The following BTBD7 variants were observed in gnomAD, a reference collection of about 807,000 sequenced individuals.
The protein encoded by BTBD7 is BTB domain containing 7, also known as BTB/POZ domain-containing protein 7.
BTBD7 carries 38 observed loss-of-function variants against 99.9 expected under a neutral mutation model. The observed-to-expected ratio is 0.38, with a 90% CI of 0.29 to 0.50. The LOEUF (loss-of-function observed/expected upper bound fraction) is 0.50, where lower values mean the gene tolerates loss of function less well. BTBD7 is among the 20% of genes least tolerant of loss of function. The probability of loss-of-function intolerance (pLI) is 0.93; values close to 1 mark genes in which losing one functional copy is unlikely to be tolerated. For missense variants in BTBD7, 1,170 were observed against 1,394.6 expected (o/e 0.84, Z 2.57); for synonymous variants, 520 against 511.4 (o/e 1.02, Z -0.23).
rs1428734700 is a variant in BTBD7 at position 93,316,420 on chromosome 14, A to AT, written c.-107+16399dup. On this transcript the variant is annotated intron_variant, in intron 1 of 10. Coordinates refer to ENST00000334746, the MANE Select transcript of BTBD7 (RefSeq NM_001002860.4). ...ATGCACCACTGTGCCCAGCTAATTT[A>AT]TTTTTATTTTTTCTGTTGAGGTCTT... Among the ~76,000 whole-genome samples the AT allele has an allele frequency of 5.9e-5, 9 of 151,832 alleles. No individual in the cohort carries two copies. The East Asian group carries it at 1.7e-3, about 29-fold the overall frequency.
chr14:93,326,354 G>A (rs2053331033), intron 1 of BTBD7, among the ~76,000 whole-genome samples: 1 of 152,066 alleles, frequency 6.6e-6, no homozygotes, highest in Non-Finnish European at 1.5e-5. Context: ...ATAGTCCCAG[G>A]TGCTCAGGAG....
intron 1 of BTBD7, among the ~76,000 whole-genome samples, chr14:93,302,006 GCAAAGCA>G (rs1446008245): frequency 1.3e-5 from 2 of 152,202 alleles, no homozygotes; most frequent in African/African-American, 4.8e-5. Context: ...GCTGGGCTGG[GCAAAGCA>G]TGTGAGGGGT....
chr14:93,259,921 A>G (rs760888911), intron 5 of BTBD7, among the ~76,000 whole-genome samples: 21 of 152,216 alleles, frequency 1.4e-4, no homozygotes, highest in Non-Finnish European at 2.8e-4. Flanking sequence ...GAAACACAGC[A>G]AGACTCCATC....
Position 93,242,184 on chromosome 14 carries a change from G to A in BTBD7, c.*89C>T. 1 of 1,155,100 alleles carries A rather than the reference G, an allele frequency of 8.7e-7. No homozygotes were observed. The highest frequency in any genetic ancestry group is 1.2e-6 in the Non-Finnish European group (1 of 804,062). The allele number at this position is 1,155,100 out of a possible 1,614,324, so 71.6% of individuals were successfully genotyped here. A position where few individuals can be genotyped will look rare whatever the true frequency, so the allele number is the denominator to read the frequency against. ...ATCATGTGAAACCGAGTTATCAGCTGGCATTGATGAACTGGTCTGTAAGTT... is the reference window on the plus strand; with the variant it reads ...ATCATGTGAAACCGAGTTATCAGCTAGCATTGATGAACTGGTCTGTAAGTT... On this transcript the variant is annotated 3_prime_UTR_variant, in exon 11 of 11. Transcript: ENST00000334746.
intron 3 of BTBD7, among the ~76,000 whole-genome samples, chr14:93,282,634 G>C (rs972134854): frequency 2.0e-5 from 3 of 152,024 alleles, no homozygotes; most frequent in African/African-American, 7.2e-5. Flanking sequence ...CCCGGCCTAT[G>C]CTTGGTTTTA....
At chr14:93,244,103 C>A in intron 10 of BTBD7, 1 of 486,074 alleles carries the variant, frequency 2.1e-6, no homozygotes, top group South Asian at 1.5e-5. Flanking sequence ...GGCAAGGATT[C>A]TCTGTATGCC....
At chr14:93,268,506 A>G (rs1393010423) in intron 3 of BTBD7, among the ~76,000 whole-genome samples, 1 of 152,196 alleles carries the variant, frequency 6.6e-6, no homozygotes, top group African/African-American at 2.4e-5. Flanking sequence ...CTTATTATGT[A>G]TATGTATCAG....
At chr14:93,289,851 C>CTTTTT (rs34820136) in intron 3 of BTBD7, among the ~76,000 whole-genome samples, 12 of 98,440 alleles carry the variant, frequency 1.2e-4, no homozygotes, top group East Asian at 3.1e-4. Flanking sequence ...ACTCTCTGGG[C>CTTTTT]TTTTTTTTTT....
At chr14:93,290,245 C>G (rs2052832591) in intron 3 of BTBD7, among the ~76,000 whole-genome samples, 1 of 151,376 alleles carries the variant, frequency 6.6e-6, no homozygotes, top group South Asian at 2.1e-4. Flanking sequence ...CGCAGTCTCA[C>G]TCCGTCGCCC....
intron 1 of BTBD7, among the ~76,000 whole-genome samples, chr14:93,316,252 G>GTTTT (rs527358315): frequency 1.8e-5 from 2 of 108,322 alleles, no homozygotes; most frequent in Non-Finnish European, 3.6e-5. Flanking sequence ...ACCATGCCCA[G>GTTTT]TCTTTTTTTT....
chr14:93,269,947 T>C (rs763258258), intron 3 of BTBD7, among the ~76,000 whole-genome samples: 3 of 152,168 alleles, frequency 2.0e-5, no homozygotes, highest in Non-Finnish European at 4.4e-5. Flanking sequence ...CCCCAGCTGC[T>C]GCAAACTGAA....
chr14:93,311,530 T>C (rs1484446130), intron 1 of BTBD7, among the ~76,000 whole-genome samples: 1 of 152,202 alleles, frequency 6.6e-6, no homozygotes, highest in African/African-American at 2.4e-5. Flanking sequence ...TAAATGTACA[T>C]TATCATTAGT....
At chr14:93,296,213 A>C (rs998515715) in intron 1 of BTBD7, 56 bp from the exon 2 acceptor site, 13 of 1,228,426 alleles carry the variant, frequency 1.1e-5, no homozygotes, top group African/African-American at 6.2e-5. Context: ...CTCAGATCAC[A>C]GTTTTTTTTA....
At chr14:93,326,628 CCT>C (rs1240069243) in intron 1 of BTBD7, among the ~76,000 whole-genome samples, 1 of 152,026 alleles carries the variant, frequency 6.6e-6, no homozygotes, top group Non-Finnish European at 1.5e-5. Flanking sequence ...GGGGCGAAAC[CCT>C]GTCTCTACTA....
Position 93,261,637 on chromosome 14 carries a change from C to A in BTBD7, c.1412G>T (p.Gly471Val), listed in dbSNP as rs2052490311. 6.2e-7 allele frequency: 1 copy of A among 1,612,134 alleles called. No homozygotes were observed. Among genetic ancestry groups the A allele is most frequent in the African/African-American group, 1.3e-5 (1 of 75,004 alleles). ...TATTCTTTTCATCAACTGATGCTCT[C>A]CCCATTTAATCAGATATTTAAGGAT... Reference protein sequence around the residue: ...QDILKYLIKWGEHQLMKRIAD... With the variant: ...QDILKYLIKWVEHQLMKRIAD... The change falls in exon 5 of 11, where the codon GGA becomes GTA. Residue 471 changes from glycine to valine, a missense_variant. Around this residue, in one of 4 missense-constraint regions of BTBD7, gnomAD observed 309 missense variants for 342.0 expected, o/e 0.90. Transcript: ENST00000334746.
chr14:93,285,945 C>T (rs1428113836), intron 3 of BTBD7, among the ~76,000 whole-genome samples: 1 of 152,192 alleles, frequency 6.6e-6, no homozygotes. Context: ...GGAGACCCAG[C>T]TCAGTAAACA....
At chr14:93,249,823 G>C (rs763418781) in intron 8 of BTBD7, among the ~76,000 whole-genome samples, 1 of 152,174 alleles carries the variant, frequency 6.6e-6, no homozygotes, top group Admixed American at 6.5e-5. Context: ...TTAGAAACCT[G>C]AAGTAGGGCT....
At chr14:93,265,189 T>G (rs1159804275) in intron 3 of BTBD7, among the ~76,000 whole-genome samples, 1 of 152,218 alleles carries the variant, frequency 6.6e-6, no homozygotes, top group Non-Finnish European at 1.5e-5. Flanking sequence ...AGTTCAAAGC[T>G]GTTTGTGAAA....
rs545675757 is a variant in BTBD7 at position 93,309,333 on chromosome 14, C to T, written c.-106-13176G>A. Among the ~76,000 whole-genome samples, 11 of 151,276 alleles carry T rather than the reference C, an allele frequency of 7.3e-5. No individual in the cohort carries two copies. The East Asian group carries it at 1.2e-3, about 16-fold the overall frequency. On this transcript the variant is annotated intron_variant, in intron 1 of 10. Coordinates refer to ENST00000334746, the MANE Select transcript of BTBD7 (RefSeq NM_001002860.4). ...AAAATGGGCCAGGTGCAGTAGCTCACGCCTGTAATTCCAGCACTTTGGGAG... is the reference window on the plus strand; with the variant it reads ...AAAATGGGCCAGGTGCAGTAGCTCATGCCTGTAATTCCAGCACTTTGGGAG...
Sources: allele counts gnomAD v4.1 joint callset (sites outside exome capture counted in the v4.1 genomes callset), GRCh38; gene constraint gnomAD v4.1.1; regional missense constraint gnomAD v4.1.1; transcripts MANE v1.5; gene names NCBI Gene and HGNC (gene_info 2026-07-23, HGNC 2026-07-21).